Variants in KIF3B observed in about 807,000 individuals in gnomAD.
KIF3B encodes the protein kinesin-like protein KIF3B.
KIF3B carries 38 observed loss-of-function variants against 74.3 expected under a neutral mutation model. The observed-to-expected ratio is 0.51, with a 90% CI of 0.39 to 0.67. KIF3B has a LOEUF of 0.67. Among genes scored for constraint, KIF3B ranks in the 30% least tolerant of loss-of-function variants. The pLI, the probability that KIF3B is intolerant of heterozygous loss-of-function variation, is 0.00. For missense variants in KIF3B, 649 were observed against 932.0 expected, an observed-to-expected ratio of 0.70 and a Z score of 3.95; for synonymous variants, 326 against 342.5, an observed-to-expected ratio of 0.95 and a Z score of 0.53.
chr20:32,327,250 C>G (rs1158893769), intron 6 of KIF3B, among the ~76,000 whole-genome samples: 1 of 152,072 alleles, frequency 6.6e-6, no homozygotes, highest in African/African-American at 2.4e-5. Context: ...GATTCTCATG[C>G]TAAGTCTGGG....
intron 5 of KIF3B, among the ~76,000 whole-genome samples, chr20:32,322,836 T>TA (rs2047875196): frequency 4.9e-4 from 31 of 63,026 alleles, no homozygotes; most frequent in African/African-American, 2.7e-3. Flanking sequence ...ATGTATATTT[T>TA]TATATATTTA....
chr20:32,292,511 G>T (rs957918842), intron 1 of KIF3B, among the ~76,000 whole-genome samples: 18 of 150,656 alleles, frequency 1.2e-4, no homozygotes, highest in Non-Finnish European at 2.2e-4. Flanking sequence ...GCTGAGGTGG[G>T]TGGATCACTT....
In KIF3B at chr20:32,310,306, A is replaced by T; in HGVS notation, c.529A>T (p.Lys177Ter). The T allele has an allele frequency of 1.2e-6, 2 of 1,613,952 alleles. No individual in the cohort carries two copies. Among genetic ancestry groups the T allele is most frequent in the Non-Finnish European group, 1.7e-6 (2 of 1,179,894 alleles). ...KERPDTGVYV[K>*]DLSSFVTKSV... ...GAGGCCTGACACAGGAGTGTATGTG[A>T]AAGACCTGTCTTCCTTTGTCACCAA... Residue 177 changes from lysine (K) to a stop codon, truncating the protein, a stop_gained, in exon 2 of 9, where the codon AAA becomes TAA. Transcript: ENST00000375712. LOFTEE classifies it high-confidence loss of function. The surrounding 1 kb of genome is among the most constrained non-coding windows in gnomAD (Gnocchi z 6.5).
intron 1 of KIF3B, among the ~76,000 whole-genome samples, chr20:32,297,850 A>G (rs901187685): frequency 6.6e-6 from 1 of 151,948 alleles, no homozygotes; most frequent in Admixed American, 6.6e-5. Flanking sequence ...GCTCACGCCT[A>G]TAATCCCAGC....
chr20:32,284,210 A>C lies in KIF3B; in HGVS notation c.-66+6445A>C, dbSNP rs1311897888. Among the ~76,000 whole-genome samples the C allele has an allele frequency of 1.3e-5, 2 of 152,044 alleles. 1 individual carries two copies. The highest frequency in any genetic ancestry group is 4.2e-4 in the South Asian group (2 of 4,796). Reference sequence around the variant, plus strand: ...TGCCTCAGCCTCCCAAAGTGCTGGGATTACAGGCATGAGCCACAGCACCTG... The same window carrying C: ...TGCCTCAGCCTCCCAAAGTGCTGGGCTTACAGGCATGAGCCACAGCACCTG... On this transcript the variant is annotated intron_variant, in intron 1 of 8. Coordinates refer to ENST00000375712, the MANE Select transcript of KIF3B (RefSeq NM_004798.4).
At chr20:32,304,496 C>T (rs988690341) in intron 1 of KIF3B, among the ~76,000 whole-genome samples, 6 of 152,156 alleles carry the variant, frequency 3.9e-5, no homozygotes, top group African/African-American at 1.2e-4. Flanking sequence ...AATGATTGTA[C>T]GTCCTAGGTT....
In KIF3B at chr20:32,331,682, A is replaced by T. The variant is rs764836006; in HGVS notation, c.*363A>T. 4.4e-6 allele frequency: 1 copy of T among 229,752 alleles called. No individual in the cohort carries two copies. Among genetic ancestry groups the T allele is most frequent in the East Asian group, 1.4e-4 (1 of 6,972 alleles). 14.2% of individuals were successfully genotyped at this position (229,752 alleles called of 1,614,324 possible). A position where few individuals can be genotyped will look rare whatever the true frequency, so the allele number is the denominator to read the frequency against. On this transcript the variant is annotated 3_prime_UTR_variant, in exon 9 of 9. Transcript: ENST00000375712. The stretch of plus-strand genomic sequence containing the variant: ...TCTCCTTTTCTAGCCTGTTCTTTAC[A>T]TGGGGCTCCCTTCTTGTTGAACAAT...
At chr20:32,293,499 A>G (rs1445599662) in intron 1 of KIF3B, among the ~76,000 whole-genome samples, 1 of 151,888 alleles carries the variant, frequency 6.6e-6, no homozygotes, top group Non-Finnish European at 1.5e-5. Flanking sequence ...AGTCCCAGCT[A>G]CTGAGGAGGT....
At chr20:32,323,492 C>T (rs1220015287) in intron 5 of KIF3B, among the ~76,000 whole-genome samples, 1 of 151,954 alleles carries the variant, frequency 6.6e-6, no homozygotes, top group Non-Finnish European at 1.5e-5. Flanking sequence ...CTCTGCCTCC[C>T]AGGTTCAAGT....
At chr20:32,301,179 C>T (rs2047742369) in intron 1 of KIF3B, among the ~76,000 whole-genome samples, 4 of 150,696 alleles carry the variant, frequency 2.7e-5, no homozygotes, top group Admixed American at 2.7e-4. Flanking sequence ...CCTCCACCTC[C>T]TGGATTCAAG....
chr20:32,326,641 C>T (rs1216596958), intron 5 of KIF3B, 130 bp from the exon 6 acceptor site: 5 of 598,454 alleles, frequency 8.4e-6, no homozygotes, highest in South Asian at 6.1e-5. Context: ...TTAGGCCCAT[C>T]GTACTTGCTG....
intron 5 of KIF3B, among the ~76,000 whole-genome samples, chr20:32,322,319 A>G (rs2047864137): frequency 6.6e-6 from 1 of 151,646 alleles, no homozygotes; most frequent in South Asian, 2.1e-4. Flanking sequence ...CTAGTATATA[A>G]AAATACTGGC....
intron 1 of KIF3B, among the ~76,000 whole-genome samples, chr20:32,287,014 A>C (rs1413831209): frequency 6.6e-6 from 1 of 152,206 alleles, no homozygotes; most frequent in East Asian, 1.9e-4. Flanking sequence ...GAATTTACCC[A>C]TGGTGATGGT....
At chr20:32,288,470 G>A (rs1230111343) in intron 1 of KIF3B, among the ~76,000 whole-genome samples, 1 of 152,152 alleles carries the variant, frequency 6.6e-6, no homozygotes, top group Non-Finnish European at 1.5e-5. Context: ...GTGACACAGT[G>A]AATGAGATCC....
chr20:32,317,672 C>CT (rs1381735810), intron 5 of KIF3B, among the ~76,000 whole-genome samples: 1 of 145,454 alleles, frequency 6.9e-6, no homozygotes, highest in African/African-American at 2.6e-5. Context: ...GAGTTTTGCT[C>CT]TATCACCCAG....
intron 1 of KIF3B, among the ~76,000 whole-genome samples, chr20:32,307,787 C>T (rs1196920048): frequency 1.3e-5 from 2 of 151,908 alleles, no homozygotes; most frequent in Non-Finnish European, 2.9e-5. Context: ...GGCATGGTGG[C>T]GGGCACCTAT....
chr20:32,321,222 A>C (rs967344110), intron 5 of KIF3B, among the ~76,000 whole-genome samples: 1 of 152,044 alleles, frequency 6.6e-6, no homozygotes, highest in African/African-American at 2.4e-5. Flanking sequence ...TGAGGTCAGG[A>C]GTTCGAGATC....
chr20:32,318,669 A>C (rs2047840802), intron 5 of KIF3B, among the ~76,000 whole-genome samples: 1 of 152,222 alleles, frequency 6.6e-6, no homozygotes, highest in South Asian at 2.1e-4. Flanking sequence ...ATTGTTCTTT[A>C]TTATGACTGA....
At chr20:32,307,289 A>G (rs1026179594) in intron 1 of KIF3B, among the ~76,000 whole-genome samples, 2 of 152,176 alleles carry the variant, frequency 1.3e-5, no homozygotes, top group African/African-American at 2.4e-5. Context: ...TTTTCACACT[A>G]TGTAAACTAT....
Sources: allele counts gnomAD v4.1 joint callset (sites outside exome capture counted in the v4.1 genomes callset), GRCh38; gene constraint gnomAD v4.1.1; non-coding constraint Gnocchi (gnomAD v3.1); transcripts MANE v1.5; gene names NCBI Gene and HGNC (gene_info 2026-07-23, HGNC 2026-07-21).